Variants in INSR observed in about 807,000 individuals in gnomAD.
The protein encoded by INSR is IR.
A neutral mutation model predicts 142.6 loss-of-function variants in INSR; 67 were observed. That is an observed-to-expected ratio of 0.47 (90% confidence interval 0.39 to 0.58). The LOEUF (loss-of-function observed/expected upper bound fraction) is 0.58, where lower values mean the gene tolerates loss of function less well. Ranked by LOEUF, INSR falls within the 20% of genes least tolerant of loss-of-function variation. The pLI is 0.00. For synonymous variants in INSR, 756 were observed against 743.1 expected, an observed-to-expected ratio of 1.02 and a Z score of -0.28; for missense variants, 1,248 against 1,833.2, an observed-to-expected ratio of 0.68 and a Z score of 5.83.
intron 9 of INSR, among the ~76,000 whole-genome samples, chr19:7,156,954 G>T (rs1003449766): frequency 2.0e-5 from 3 of 146,814 alleles, no homozygotes; most frequent in South Asian, 2.3e-4. Flanking sequence ...ATCACACCTG[G>T]CTAATTTTTT....
At chr19:7,232,906 A>G (rs191982485) in intron 2 of INSR, among the ~76,000 whole-genome samples, 1 of 152,336 alleles carries the variant, frequency 6.6e-6, no homozygotes, top group Non-Finnish European at 1.5e-5. Context: ...CAATGCTAGC[A>G]ACAATGTAAC....
intron 2 of INSR, among the ~76,000 whole-genome samples, chr19:7,233,668 C>CTTTTTTTTTTT (rs35763064): frequency 8.3e-5 from 6 of 72,406 alleles, no homozygotes; most frequent in African/African-American, 1.1e-4. Context: ...CTTTTTCTGT[C>CTTTTTTTTTTT]TTTTTTTTTT....
chr19:7,268,040 G>T, intron 1 of INSR, 144 bp from the exon 2 acceptor site: 1 of 723,798 alleles, frequency 1.4e-6, no homozygotes. Flanking sequence ...TCTGCAGCCA[G>T]CCGGGATGAG....
intron 2 of INSR, among the ~76,000 whole-genome samples, chr19:7,193,288 C>T (rs904518657): frequency 8.6e-5 from 13 of 151,744 alleles, no homozygotes; most frequent in African/African-American, 2.9e-4. Flanking sequence ...CTAAGGTGAG[C>T]GGATCACGAG....
chr19:7,219,321 C>A (rs1321859968), intron 2 of INSR, among the ~76,000 whole-genome samples: 2 of 152,150 alleles, frequency 1.3e-5, no homozygotes, highest in Non-Finnish European at 2.9e-5. Flanking sequence ...CTGACCACCC[C>A]CGGGGCTGGA....
intron 2 of INSR, among the ~76,000 whole-genome samples, chr19:7,205,850 C>T (rs1207323086): frequency 2.6e-5 from 4 of 152,186 alleles, no homozygotes; most frequent in Non-Finnish European, 4.4e-5. Flanking sequence ...GACTGCATGA[C>T]AGCACTCCAG....
At chr19:7,218,864 G>A (rs1276937747) in intron 2 of INSR, among the ~76,000 whole-genome samples, 1 of 152,090 alleles carries the variant, frequency 6.6e-6, no homozygotes, top group African/African-American at 2.4e-5. Flanking sequence ...TTTGAGCAAA[G>A]ATAATCTGAG....
In INSR at chr19:7,234,475, T is replaced by C. The variant is rs371974236; in HGVS notation, c.652+32870A>G. ...CTCCCACCTCTGCTTCCCAATGTGC[T>C]GGGATTACAAGTGTGAGCCACACTG... On this transcript the variant is annotated intron_variant, in intron 2 of 21. Coordinates refer to ENST00000302850, the MANE Select transcript of INSR (RefSeq NM_000208.4). 7.5e-4 allele frequency among the ~76,000 whole-genome samples: 115 copies of C among 152,324 alleles called. 1 individual carries two copies. The highest frequency in any genetic ancestry group is 2.5e-3 in the African/African-American group (105 of 41,570).
At chr19:7,167,823 T>C (rs1346535436) in intron 7 of INSR, 145 bp downstream of exon 7, 2 of 987,920 alleles carry the variant, frequency 2.0e-6, no homozygotes, top group Non-Finnish European at 3.1e-6. Flanking sequence ...CTGGTGAGAT[T>C]GTAAAAAGGA....
At chr19:7,207,805 T>G (rs897290204) in intron 2 of INSR, among the ~76,000 whole-genome samples, 2 of 152,006 alleles carry the variant, frequency 1.3e-5, no homozygotes, top group South Asian at 4.2e-4. Flanking sequence ...GAGGATCACT[T>G]GAGCACAGGG....
chr19:7,256,168 C>A (rs1465914859), intron 2 of INSR, among the ~76,000 whole-genome samples: 1 of 151,998 alleles, frequency 6.6e-6, no homozygotes, highest in Non-Finnish European at 1.5e-5. Flanking sequence ...CTGGGCATGG[C>A]GGCTCACGCC....
intron 9 of INSR, among the ~76,000 whole-genome samples, chr19:7,157,608 T>A (rs541591898): frequency 1.3e-5 from 2 of 152,074 alleles, no homozygotes; most frequent in South Asian, 4.2e-4. Context: ...AGCCCCGAAG[T>A]CAAATCCCAG....
At chr19:7,178,082 T>C (rs1168582637) in intron 3 of INSR, among the ~76,000 whole-genome samples, 3 of 152,056 alleles carry the variant, frequency 2.0e-5, no homozygotes, top group African/African-American at 7.2e-5. Context: ...CTCACACTCC[T>C]GGGTATTCAA....
At chr19:7,230,105 C>T (rs1395669316) in intron 2 of INSR, among the ~76,000 whole-genome samples, 2 of 151,982 alleles carry the variant, frequency 1.3e-5, no homozygotes, top group Non-Finnish European at 1.5e-5. Context: ...AACTTTTATC[C>T]ATATTGTTCT....
intron 9 of INSR, among the ~76,000 whole-genome samples, chr19:7,155,003 A>C (rs1425162964): frequency 6.6e-6 from 1 of 152,192 alleles, no homozygotes; most frequent in East Asian, 1.9e-4. Flanking sequence ...TTCTGTCTTC[A>C]GTGGACTTAC....
intron 2 of INSR, among the ~76,000 whole-genome samples, chr19:7,258,028 G>A (rs1455109340): frequency 1.4e-4 from 21 of 152,196 alleles, no homozygotes; most frequent in Admixed American, 1.4e-3. Flanking sequence ...GTTTCTCCAT[G>A]TTGGCCAGGG....
At chr19:7,235,008 A>C (rs1156536030) in intron 2 of INSR, among the ~76,000 whole-genome samples, 2 of 152,056 alleles carry the variant, frequency 1.3e-5, no homozygotes, top group Non-Finnish European at 2.9e-5. Flanking sequence ...CAGTGAGCTG[A>C]AATTGCATCA....
intron 11 of INSR, among the ~76,000 whole-genome samples, chr19:7,144,010 G>A (rs12151134): frequency 0.4 from 59,827 of 150,400 alleles, 13,171 homozygotes; most frequent in Middle Eastern, 0.51. Context: ...AGCTGAGATC[G>A]TGTCACTGCA....
In INSR at chr19:7,294,045, G is replaced by A; in HGVS notation, c.-154C>T. The A allele has an allele frequency of 1.2e-6, 1 of 809,954 alleles. No homozygotes were observed. The highest frequency in any genetic ancestry group is 1.6e-6 in the Non-Finnish European group (1 of 642,354). 50.2% of individuals were successfully genotyped at this position (809,954 alleles called of 1,614,324 possible). Reference sequence around the variant, plus strand: ...GGGCCGCAGCCCCCCTGCCGGGGAGGGCCCAGAGGCAGCCCCGGGAAGGGC... The same window carrying A: ...GGGCCGCAGCCCCCCTGCCGGGGAGAGCCCAGAGGCAGCCCCGGGAAGGGC... On this transcript the variant is annotated 5_prime_UTR_variant, in exon 1 of 22. Transcript: ENST00000302850.
Sources: gnomAD v4.1 joint callset for allele counts (sites outside exome capture counted in the v4.1 genomes callset) on GRCh38, gnomAD v4.1.1 for gene constraint, MANE v1.5 for transcripts, NCBI Gene and HGNC (gene_info 2026-07-23, HGNC 2026-07-21) for gene names.